Variants in BRINP3 observed in about 807,000 individuals in gnomAD.
The protein encoded by BRINP3 is BMP/retinoic acid inducible neural specific 3.
A neutral mutation model predicts 71.0 loss-of-function variants in BRINP3; 19 were observed. The observed-to-expected ratio is 0.27, with a 90% CI of 0.19 to 0.39. The LOEUF is 0.39. Ranked by LOEUF, BRINP3 falls within the 10% of genes least tolerant of loss-of-function variation. The probability of loss-of-function intolerance (pLI) is 1.00; values close to 1 mark genes in which losing one functional copy is unlikely to be tolerated. For missense variants in BRINP3, 959 were observed against 940.8 expected, an observed-to-expected ratio of 1.02 and a Z score of -0.25; for synonymous variants, 380 against 337.7, an observed-to-expected ratio of 1.13 and a Z score of -1.37.
chr1:190,223,790 A>G (rs1275107772), intron 6 of BRINP3, among the ~76,000 whole-genome samples: 2 of 151,866 alleles, frequency 1.3e-5, no homozygotes, highest in Non-Finnish European at 2.9e-5. Flanking sequence ...AATAAAAACA[A>G]TGTTAAAATT....
intron 6 of BRINP3, among the ~76,000 whole-genome samples, chr1:190,212,023 T>A (rs926886359): frequency 2.6e-5 from 4 of 152,090 alleles, no homozygotes; most frequent in Non-Finnish European, 4.4e-5. Context: ...TATAGTGCAA[T>A]GAGCATATCA....
At chr1:190,383,642 C>T (rs1396957310) in intron 2 of BRINP3, among the ~76,000 whole-genome samples, 2 of 151,886 alleles carry the variant, frequency 1.3e-5, no homozygotes, top group Non-Finnish European at 2.9e-5. Flanking sequence ...GTCCTATTTG[C>T]CACTTTGCAA....
intron 2 of BRINP3, among the ~76,000 whole-genome samples, chr1:190,318,655 A>G (rs1389350913): frequency 6.6e-6 from 1 of 151,974 alleles, no homozygotes; most frequent in Non-Finnish European, 1.5e-5. Context: ...AGTAGCTCAG[A>G]ATTAAATTTC....
At chr1:190,447,845 T>C (rs371362740) in intron 2 of BRINP3, among the ~76,000 whole-genome samples, 7 of 151,638 alleles carry the variant, frequency 4.6e-5, no homozygotes, top group Non-Finnish European at 5.9e-5. Flanking sequence ...TTATAGCTCA[T>C]CCTAATGTTT....
chr1:190,165,461 TGTGTGTGTGTGTGTGTGTG>T (rs1169175772), intron 6 of BRINP3, among the ~76,000 whole-genome samples: 1 of 68,708 alleles, frequency 1.5e-5, no homozygotes, highest in Non-Finnish European at 2.7e-5. Context: ...TTTTTTTTTT[TGTGTGTGTGTGTGTGTGTG>T]TGTGTGTGTG....
At chr1:190,457,541 C>G (rs574333684) in intron 1 of BRINP3, among the ~76,000 whole-genome samples, 9 of 152,146 alleles carry the variant, frequency 5.9e-5, no homozygotes, top group African/African-American at 2.2e-4. Flanking sequence ...TTCTTTTGTG[C>G]GTCAGATTCC....
chr1:190,139,942 G>A (rs553661565), intron 7 of BRINP3, among the ~76,000 whole-genome samples: 4 of 152,210 alleles, frequency 2.6e-5, no homozygotes, highest in South Asian at 2.1e-4. Context: ...AAATACAAAC[G>A]TAAGCGAATA....
intron 2 of BRINP3, among the ~76,000 whole-genome samples, chr1:190,323,093 G>T (rs1050969260): frequency 6.6e-6 from 1 of 151,842 alleles, no homozygotes; most frequent in Admixed American, 6.6e-5. Flanking sequence ...ATTAGTTATG[G>T]GTGTCTGGGT....
intron 7 of BRINP3, among the ~76,000 whole-genome samples, chr1:190,116,226 A>G (rs1002602699): frequency 5.9e-5 from 9 of 152,090 alleles, no homozygotes; most frequent in African/African-American, 2.2e-4. Flanking sequence ...TACTAATTGA[A>G]AGTATCTGCC....
At chr1:190,355,592 A>G (rs1429173049) in intron 2 of BRINP3, among the ~76,000 whole-genome samples, 1 of 151,838 alleles carries the variant, frequency 6.6e-6, no homozygotes, top group East Asian at 1.9e-4. Flanking sequence ...ATTTTCTATT[A>G]AGTTATGAAA....
chr1:190,412,780 T>G (rs1479705283), intron 2 of BRINP3, among the ~76,000 whole-genome samples: 1 of 152,122 alleles, frequency 6.6e-6, no homozygotes, highest in African/African-American at 2.4e-5. Flanking sequence ...AGTATGCATT[T>G]TTTAAACCAC....
At chr1:190,279,122 T>A (rs1429011831) in intron 3 of BRINP3, among the ~76,000 whole-genome samples, 5 of 151,804 alleles carry the variant, frequency 3.3e-5, no homozygotes, top group African/African-American at 1.2e-4. Flanking sequence ...TAATGAAGTA[T>A]GTGTTTCAAA....
Position 190,234,391 on chromosome 1 carries a change from C to T in BRINP3, c.705G>A (p.Glu235=). Residue 235 remains glutamate (E), a synonymous_variant, in exon 5 of 8, where the codon GAG becomes GAA. Transcript: ENST00000367462. ...ACATACCTTGCAACTGAATCTTATT[C>T]TCAGGACTCTGAACCAGAACAGAAC... ...SVSSVLVQSP[E]NKIQLQGLQV... is the part of the protein sequence containing the mutation. The T allele has an allele frequency of 1.2e-6, 2 of 1,610,762 alleles. No individual in the cohort carries two copies. The highest frequency in any genetic ancestry group is 1.7e-6 in the Non-Finnish European group (2 of 1,178,002).
At chr1:190,453,585 A>G (rs1031970806) in intron 2 of BRINP3, among the ~76,000 whole-genome samples, 2 of 152,174 alleles carry the variant, frequency 1.3e-5, no homozygotes, top group Non-Finnish European at 2.9e-5. Flanking sequence ...TTATGACTGC[A>G]TGGAATAAGG....
At chr1:190,341,068 A>G (rs1027503992) in intron 2 of BRINP3, among the ~76,000 whole-genome samples, 1 of 151,860 alleles carries the variant, frequency 6.6e-6, no homozygotes, top group Admixed American at 6.6e-5. Context: ...TCTGCTTGAG[A>G]TAACTGCTAT....
At chr1:190,216,526 A>G (rs1439252542) in intron 6 of BRINP3, among the ~76,000 whole-genome samples, 1 of 151,906 alleles carries the variant, frequency 6.6e-6, no homozygotes, top group Admixed American at 6.6e-5. Flanking sequence ...ACATGAAAAG[A>G]GAAATATTTC....
At chr1:190,149,506 A>G (rs1047406942) in intron 7 of BRINP3, among the ~76,000 whole-genome samples, 1 of 152,122 alleles carries the variant, frequency 6.6e-6, no homozygotes, top group African/African-American at 2.4e-5. Context: ...ATGTATTTAG[A>G]TCATAATCAG....
At chr1:190,363,168 C>G (rs1479464099) in intron 2 of BRINP3, among the ~76,000 whole-genome samples, 1 of 152,106 alleles carries the variant, frequency 6.6e-6, no homozygotes, top group Admixed American at 6.6e-5. Flanking sequence ...ACGAGTGGCC[C>G]TGGAGGAGCT....
At chr1:190,360,573 TG>T (rs1215451216) in intron 2 of BRINP3, among the ~76,000 whole-genome samples, 2 of 152,220 alleles carry the variant, frequency 1.3e-5, no homozygotes, top group African/African-American at 4.8e-5. Context: ...AATTGCCTTT[TG>T]AAATTATGAA....
Sources: allele counts gnomAD v4.1 joint callset (sites outside exome capture counted in the v4.1 genomes callset), GRCh38; gene constraint gnomAD v4.1.1; transcripts MANE v1.5; gene names NCBI Gene and HGNC (gene_info 2026-07-23, HGNC 2026-07-21).